Variants in BTBD1 observed in about 807,000 individuals in gnomAD.
BTBD1 encodes BTB/POZ domain-containing protein 1.
A neutral mutation model predicts 48.0 loss-of-function variants in BTBD1; 34 were observed. The observed-to-expected ratio is 0.71, with a 90% confidence interval of 0.54 to 0.94. BTBD1 has a LOEUF of 0.94. Ranked by LOEUF, BTBD1 falls within the 40% of genes least tolerant of loss-of-function variation. BTBD1 has a pLI of 0.00. For synonymous variants in BTBD1, 261 were observed against 242.1 expected (o/e 1.08, Z -0.72); for missense variants, 543 against 625.6 (o/e 0.87, Z 1.41).
intron 6 of BTBD1, among the ~76,000 whole-genome samples, 159 bp from the exon 7 acceptor site, chr15:83,019,012 G>A (rs1228702158): frequency 1.3e-5 from 2 of 150,474 alleles, no homozygotes; most frequent in African/African-American, 4.9e-5. Flanking sequence ...GGTGGTGTGT[G>A]TGTGTGTGTG....
intron 2 of BTBD1, among the ~76,000 whole-genome samples, chr15:83,051,826 T>C (rs1247370098): frequency 5.4e-5 from 8 of 149,266 alleles, no homozygotes; most frequent in Non-Finnish European, 3.0e-5. Flanking sequence ...CAGATTTATC[T>C]AAATATTATT....
intron 4 of BTBD1, among the ~76,000 whole-genome samples, chr15:83,032,306 G>A (rs975999755): frequency 6.6e-6 from 1 of 151,652 alleles, no homozygotes; most frequent in African/African-American, 2.4e-5. Flanking sequence ...GGGCAACACA[G>A]CGAGACTCTG....
chr15:83,046,269 A>C (rs1254712299), intron 3 of BTBD1, among the ~76,000 whole-genome samples: 2 of 152,152 alleles, frequency 1.3e-5, no homozygotes, highest in East Asian at 3.8e-4. Flanking sequence ...ACTGATAAAA[A>C]ATGTTTTTTA....
rs374422936 is a variant in BTBD1, at chr15:83,030,133, T to A, written c.1055+3A>T. On this transcript the variant is annotated splice_donor_region_variant and intron_variant, in intron 5 of 7. Transcript: ENST00000261721. ...ACCCCCGCATCCCCAATATAACAGA[T>A]ACCTGATTCGATCACTCGTCCCACT... The A allele has an allele frequency of 4.3e-6, 7 of 1,613,566 alleles. No homozygotes were observed. The highest frequency in any genetic ancestry group is 5.9e-6 in the Non-Finnish European group (7 of 1,179,662).
At chr15:83,057,216 A>G (rs980838099) in intron 1 of BTBD1, among the ~76,000 whole-genome samples, 3 of 152,348 alleles carry the variant, frequency 2.0e-5, no homozygotes, top group South Asian at 2.1e-4. Context: ...GCTGTTTACC[A>G]TAACACACCA....
intron 4 of BTBD1, among the ~76,000 whole-genome samples, chr15:83,036,650 C>G (rs1403039010): frequency 1.3e-5 from 2 of 152,114 alleles, no homozygotes; most frequent in African/African-American, 2.4e-5. Context: ...GGTCCCCAAA[C>G]AGAAATAATC....
intron 4 of BTBD1, among the ~76,000 whole-genome samples, chr15:83,039,826 CAT>C (rs1156945871): frequency 2.1e-4 from 30 of 145,768 alleles, no homozygotes; most frequent in East Asian, 2.0e-4. Flanking sequence ...AACCAAAAAA[CAT>C]AGAACTACCA....
chr15:83,032,103 C>T (rs758640382), intron 4 of BTBD1, among the ~76,000 whole-genome samples: 5 of 151,892 alleles, frequency 3.3e-5, no homozygotes, highest in Non-Finnish European at 5.9e-5. Context: ...CAGGCAGATC[C>T]CAAGGTCAGG....
intron 7 of BTBD1, 112 bp downstream of exon 7, chr15:83,018,595 C>T (rs1019964489): frequency 1.6e-6 from 2 of 1,232,932 alleles, no homozygotes; most frequent in African/African-American, 3.0e-5. Flanking sequence ...CTCCCAGCTT[C>T]TTTTCCCCCC....
At chr15:83,062,019 T>A (rs888644641) in intron 1 of BTBD1, among the ~76,000 whole-genome samples, 1 of 152,026 alleles carries the variant, frequency 6.6e-6, no homozygotes, top group African/African-American at 2.4e-5. Flanking sequence ...GCAGAAAGAC[T>A]GAGGAGTACA....
intron 4 of BTBD1, chr15:83,030,547 T>C: frequency 2.1e-6 from 1 of 474,342 alleles, no homozygotes; most frequent in Non-Finnish European, 3.7e-6. Context: ...TAGTCAAAAC[T>C]TAGATCCAGG....
chr15:83,020,863 G>T, intron 5 of BTBD1, 101 bp from the exon 6 acceptor site: 1 of 636,212 alleles, frequency 1.6e-6, no homozygotes, highest in Non-Finnish European at 2.6e-6. Flanking sequence ...ATCCAGTTTT[G>T]CTTATAAAAA....
At chr15:83,061,878 A>C (rs544364899) in intron 1 of BTBD1, 1 of 152,250 alleles carries the variant, frequency 6.6e-6, no homozygotes, top group African/African-American at 2.4e-5. Flanking sequence ...CCACAGCAAC[A>C]GATAACCAAA....
chr15:83,043,315 G>A (rs2032804815), intron 3 of BTBD1, among the ~76,000 whole-genome samples: 1 of 152,202 alleles, frequency 6.6e-6, no homozygotes. Context: ...GGAATGGTAA[G>A]GAGGCCAACG....
At position 83,018,234 on chromosome 15, in the gene BTBD1, GAAC is replaced by G; in HGVS notation, c.1291-12_1291-10del. The G allele has an allele frequency of 1.3e-6, 2 of 1,546,408 alleles. No individual in the cohort carries two copies. Among genetic ancestry groups the G allele is most frequent in the Middle Eastern group, 1.7e-4 (1 of 5,808 alleles). ...TAGTGGGAATCTGGACCCTAAATGA[GAAC>G]AAAAGGTTCCTTAGTAATTTTCATT... On this transcript the variant is annotated splice_polypyrimidine_tract_variant and intron_variant, in intron 7 of 7. Coordinates refer to ENST00000261721, the MANE Select transcript of BTBD1 (RefSeq NM_025238.4).
chr15:83,062,138 C>T (rs2033186118), intron 1 of BTBD1, among the ~76,000 whole-genome samples: 1 of 151,718 alleles, frequency 6.6e-6, no homozygotes, highest in Admixed American at 6.6e-5. Context: ...GAGATCAAAT[C>T]ACAAAGGTTT....
At position 83,017,135 on chromosome 15, in the gene BTBD1, CG is replaced by C. The variant is rs2032185199; in HGVS notation, c.*931del. On this transcript the variant is annotated 3_prime_UTR_variant, in exon 8 of 8. Transcript: ENST00000261721. ...ATAGAAATGTGTAGGTGGCAGAAAG[CG>C]TATTTTTCAGCAGGAGTGATTCTGT... 6.6e-6 allele frequency: 1 copy of C among 152,588 alleles called. No homozygotes were observed. The highest frequency in any genetic ancestry group is 2.4e-5 in the African/African-American group (1 of 41,446). 9.5% of individuals were successfully genotyped at this position (152,588 alleles called of 1,614,324 possible).
chr15:83,065,871 G>T (rs139284450), intron 1 of BTBD1, among the ~76,000 whole-genome samples: 1 of 152,194 alleles, frequency 6.6e-6, no homozygotes, highest in Non-Finnish European at 1.5e-5. Flanking sequence ...ATCAAGGGAG[G>T]GATTCATTTA....
chr15:83,028,187 T>C (rs1234288040), intron 5 of BTBD1, among the ~76,000 whole-genome samples: 1 of 152,226 alleles, frequency 6.6e-6, no homozygotes, highest in Admixed American at 6.5e-5. Context: ...AGGATATCTC[T>C]ATCTTGAGGT....
Sources: gnomAD v4.1 joint callset for allele counts (sites outside exome capture counted in the v4.1 genomes callset) on GRCh38, gnomAD v4.1.1 for gene constraint, MANE v1.5 for transcripts, NCBI Gene and HGNC (gene_info 2026-07-23, HGNC 2026-07-21) for gene names.